Variants in SUDS3 observed in about 807,000 individuals in gnomAD.
SUDS3 encodes the protein sin3 histone deacetylase corepressor complex component SDS3.
In SUDS3, 23 loss-of-function variants were observed where a neutral mutation model predicts 53.5. The ratio of observed to expected loss-of-function variants is 0.43; its 90% confidence interval spans 0.31 to 0.61. SUDS3 has a LOEUF of 0.61. Among genes scored for constraint, SUDS3 ranks in the 20% least tolerant of loss-of-function variants. SUDS3 has a pLI of 0.10. For missense variants in SUDS3, 291 were observed against 405.9 expected (o/e 0.72, Z 2.43); for synonymous variants, 150 against 148.5 (o/e 1.01, Z -0.08).
intron 4 of SUDS3, among the ~76,000 whole-genome samples, chr12:118,388,797 A>G (rs919873471): frequency 6.6e-6 from 1 of 152,180 alleles, no homozygotes; most frequent in Admixed American, 6.5e-5. Flanking sequence ...CCTCTGTCCT[A>G]TGGATTATCT....
At chr12:118,381,507 C>T (rs568882100) in intron 2 of SUDS3, among the ~76,000 whole-genome samples, 6 of 152,164 alleles carry the variant, frequency 3.9e-5, no homozygotes, top group Admixed American at 3.3e-4. Flanking sequence ...CTCAGCCTCC[C>T]GAGTAGCAAG....
chr12:118,398,512 T>C (rs377247315), intron 6 of SUDS3, among the ~76,000 whole-genome samples: 19 of 152,052 alleles, frequency 1.2e-4, no homozygotes, highest in Middle Eastern at 6.8e-3. Flanking sequence ...TACACTTTTA[T>C]AAATATTCAT....
intron 4 of SUDS3, 135 bp from the exon 5 acceptor site, chr12:118,389,792 C>A: frequency 9.4e-7 from 1 of 1,063,882 alleles, no homozygotes; most frequent in Non-Finnish European, 1.4e-6. Context: ...TGTATATCAA[C>A]ATTTCACTGA....
intron 9 of SUDS3, 169 bp downstream of exon 9, chr12:118,402,173 G>T: frequency 4.8e-6 from 3 of 626,206 alleles, no homozygotes; most frequent in East Asian, 2.9e-5. Flanking sequence ...ACCCCTCCCT[G>T]ATTTCTTTTT....
intron 6 of SUDS3, among the ~76,000 whole-genome samples, chr12:118,396,538 A>C (rs2046217136): frequency 1.3e-5 from 2 of 152,250 alleles, no homozygotes; most frequent in Non-Finnish European, 1.5e-5. Flanking sequence ...TACAGGCGTC[A>C]GCCATTGCAC....
At chr12:118,405,614 A>C (rs2046302025) in intron 10 of SUDS3, among the ~76,000 whole-genome samples, 1 of 152,102 alleles carries the variant, frequency 6.6e-6, no homozygotes, top group Non-Finnish European at 1.5e-5. Flanking sequence ...ATACTTTGAG[A>C]ATGTTGTTTT....
chr12:118,412,445 T>A (rs968136037), intron 11 of SUDS3, among the ~76,000 whole-genome samples: 3 of 152,234 alleles, frequency 2.0e-5, no homozygotes, highest in African/African-American at 2.4e-5. Flanking sequence ...ATGTGACTAG[T>A]TTGCAAAATG....
chr12:118,403,410 A>G lies in SUDS3; in HGVS notation c.698-2A>G. On this transcript the variant is annotated splice_acceptor_variant, in intron 9 of 11. Transcript: ENST00000543473. LOFTEE classifies it high-confidence loss of function. ...AGTCACGTAAGTATTGGTTTCCTCCAGCATCTCCATCCTCTCCTGAGCACT... is the reference window on the plus strand; with the variant it reads ...AGTCACGTAAGTATTGGTTTCCTCCGGCATCTCCATCCTCTCCTGAGCACT... 1 of 1,612,714 alleles carries G rather than the reference A, an allele frequency of 6.2e-7. No individual in the cohort carries two copies. The highest frequency in any genetic ancestry group is 8.5e-7 in the Non-Finnish European group (1 of 1,179,324).
At chr12:118,387,389 A>G (rs532911233) in intron 4 of SUDS3, among the ~76,000 whole-genome samples, 7 of 152,262 alleles carry the variant, frequency 4.6e-5, no homozygotes, top group South Asian at 4.1e-4. Context: ...TGAAACCTCA[A>G]TTTCTCCATC....
chr12:118,378,447 A>G (rs966168214), intron 1 of SUDS3, among the ~76,000 whole-genome samples: 1 of 151,596 alleles, frequency 6.6e-6, no homozygotes, highest in African/African-American at 2.4e-5. Context: ...AACTACTTAC[A>G]TAGTATTTAC....
At chr12:118,392,846 G>A (rs539757491) in intron 6 of SUDS3, among the ~76,000 whole-genome samples, 10 of 152,280 alleles carry the variant, frequency 6.6e-5, no homozygotes, top group East Asian at 1.9e-4. Context: ...GTGATTTGGC[G>A]TCCTAATTAT....
intron 10 of SUDS3, among the ~76,000 whole-genome samples, chr12:118,410,774 T>C (rs748728805): frequency 6.6e-6 from 1 of 151,948 alleles, no homozygotes; most frequent in Non-Finnish European, 1.5e-5. Context: ...TTTTTTTGTA[T>C]TTTTAGTAGA....
rs749457609 is a variant in SUDS3, at chr12:118,386,182, G to A, written c.337G>A (p.Ala113Thr). 6.3e-7 allele frequency: 1 copy of A among 1,596,240 alleles called. No homozygotes were observed. The highest frequency in any genetic ancestry group is 1.1e-5 in the South Asian group (1 of 87,510). Residue 113 changes from alanine to threonine, a missense_variant, in exon 4 of 12, where the codon GCA (alanine) becomes ACA (threonine). Ala to Thr is a moderately conservative substitution (Grantham distance 58, BLOSUM62 0). Transcript: ENST00000543473. ...GCAGTACAAAGAGAGGATACGGAAT[G>A]CAGGTAAGGCTCCTTTAAATGGCAA... Reference protein sequence around the residue: ...DQQYKERIRNAELFLQLETEQ... With the variant: ...DQQYKERIRNTELFLQLETEQ...
chr12:118,377,238 A>G (rs1270727981), intron 1 of SUDS3, among the ~76,000 whole-genome samples: 1 of 151,836 alleles, frequency 6.6e-6, no homozygotes, highest in South Asian at 2.1e-4. Flanking sequence ...CGAAATGCAT[A>G]AGTCATCTAT....
chr12:118,406,024 T>A (rs920772912), intron 10 of SUDS3, among the ~76,000 whole-genome samples: 3 of 152,224 alleles, frequency 2.0e-5, no homozygotes, highest in Non-Finnish European at 4.4e-5. Flanking sequence ...AAGCTCCCTT[T>A]CATTTTGAAA....
At chr12:118,390,095 G>A in intron 5 of SUDS3, 149 bp downstream of exon 5, 1 of 950,048 alleles carries the variant, frequency 1.1e-6, no homozygotes, top group East Asian at 2.5e-5. Context: ...TTTGGTCTCA[G>A]CTCAGACATC....
In SUDS3 at chr12:118,380,785, ACCACCGCCT is replaced by A. The variant is rs555431878; in HGVS notation, c.212+555_212+563del. Among the ~76,000 whole-genome samples the A allele has an allele frequency of 3.9e-4, 60 of 152,178 alleles. 1 individual carries two copies. The highest frequency in any genetic ancestry group is 1.8e-3 in the Admixed American group (27 of 15,288). ...GCAGTGGCAGGATCTCCTCACTGCAACCACCGCCTTCCGGATTCAAATGATTCTCCTGCC... is the reference window on the plus strand; with the variant it reads ...GCAGTGGCAGGATCTCCTCACTGCAATCCGGATTCAAATGATTCTCCTGCC... On this transcript the variant is annotated intron_variant, in intron 2 of 11. Coordinates refer to ENST00000543473, the MANE Select transcript of SUDS3 (RefSeq NM_022491.3).
At chr12:118,382,480 C>G (rs1417625553) in intron 2 of SUDS3, among the ~76,000 whole-genome samples, 1 of 151,236 alleles carries the variant, frequency 6.6e-6, no homozygotes, top group Non-Finnish European at 1.5e-5. Flanking sequence ...ATCCTCCCAC[C>G]TCAGCCTTCC....
At position 118,416,815 on chromosome 12, in the gene SUDS3, T is replaced by G. The variant is rs2046404889; in HGVS notation, c.*2382T>G. 1.3e-5 allele frequency: 2 copies of G among 152,306 alleles called. No homozygotes were observed. The highest frequency in any genetic ancestry group is 4.1e-4 in the South Asian group (2 of 4,826). The allele number at this position is 152,306 out of a possible 1,614,324, so 9.4% of individuals were successfully genotyped here. A position where few individuals can be genotyped will look rare whatever the true frequency, so the allele number is the denominator to read the frequency against. ...GTTTCTAGACGAGAAGGAGGCTAGC[T>G]TCTAGCCTGGGTGGCCATTATTCCA... is the stretch of plus-strand genomic sequence containing the variant. On this transcript the variant is annotated 3_prime_UTR_variant, in exon 12 of 12. Coordinates refer to ENST00000543473, the MANE Select transcript of SUDS3 (RefSeq NM_022491.3).
Sources: allele counts gnomAD v4.1 joint callset (sites outside exome capture counted in the v4.1 genomes callset), GRCh38; gene constraint gnomAD v4.1.1; transcripts MANE v1.5; gene names NCBI Gene and HGNC (gene_info 2026-07-23, HGNC 2026-07-21).